The following EFCAB13 variants were observed in gnomAD, a reference collection of about 807,000 sequenced individuals.
The protein encoded by EFCAB13 is EF-hand calcium-binding domain-containing protein 13.
Under a neutral mutation model 110.2 loss-of-function variants are expected in EFCAB13, and 91 were observed. The observed-to-expected ratio is 0.83, with a 90% CI of 0.70 to 0.98. The LOEUF is 0.98. Among genes scored for constraint, EFCAB13 ranks in the 50% least tolerant of loss-of-function variants. The probability of loss-of-function intolerance (pLI) is 0.00; values close to 1 mark genes in which losing one functional copy is unlikely to be tolerated. For missense variants in EFCAB13, 968 were observed against 1,119.4 expected (o/e 0.86, Z 1.93); for synonymous variants, 323 against 369.9 (o/e 0.87, Z 1.45).
At chr17:47,372,031 C>A (rs955115208) in intron 11 of EFCAB13, among the ~76,000 whole-genome samples, 2 of 152,204 alleles carry the variant, frequency 1.3e-5, no homozygotes, top group African/African-American at 4.8e-5. Context: ...AATTGATTCA[C>A]AGTTCCACAT....
chr17:47,388,034 A>T (rs2065686074), intron 14 of EFCAB13, among the ~76,000 whole-genome samples: 1 of 152,120 alleles, frequency 6.6e-6, no homozygotes, highest in African/African-American at 2.4e-5. Flanking sequence ...GTGCCTTCCT[A>T]CAGTGTGGTA....
At position 47,429,925 on chromosome 17, in the gene EFCAB13, A is replaced by G. The variant is rs753958505; in HGVS notation, c.2602A>G (p.Ile868Val). Residue 868 changes from isoleucine (I) to valine (V), a missense_variant, in exon 24 of 25, where the codon ATA becomes GTA. By Grantham distance (29) the Ile-to-Val change is conservative. Coordinates refer to ENST00000331493, the MANE Select transcript of EFCAB13 (RefSeq NM_152347.5). ...MDKDLHTANAILTVMLRHVPE... is the reference protein window; with the variant it reads ...MDKDLHTANAVLTVMLRHVPE... ...CAAGGACCTTCATACAGCTAATGCT[A>G]TACTTACTGTAATGTTAAGACATGT... 2.5e-6 allele frequency: 4 copies of G among 1,610,692 alleles called. No homozygotes were observed. Among genetic ancestry groups the G allele is most frequent in the Non-Finnish European group, 2.5e-6 (3 of 1,177,880 alleles).
rs2065406801 is a variant in EFCAB13, at chr17:47,344,937, T to C, written c.435-79T>C. 5 of 1,040,074 alleles carry C rather than the reference T, an allele frequency of 4.8e-6. No homozygotes were observed. The Admixed American group carries it at 5.8e-5, about 12-fold the overall frequency. 64.4% of individuals were successfully genotyped at this position (1,040,074 alleles called of 1,614,324 possible). A position where few individuals can be genotyped will look rare whatever the true frequency, so the allele number is the denominator to read the frequency against. ...AAAGGTTCTTATGAATCTCAGACTA[T>C]TGGTAAGTTTGCTAATATTTTAAAA... On this transcript the variant is annotated intron_variant, in intron 7 of 24. Transcript: ENST00000331493.
At chr17:47,349,101 G>GGA (rs1442837660) in intron 9 of EFCAB13, among the ~76,000 whole-genome samples, 1 of 152,158 alleles carries the variant, frequency 6.6e-6, no homozygotes, top group African/African-American at 2.4e-5. Context: ...CTGAAGAAGT[G>GGA]GAGACAGACA....
chr17:47,340,899 A>G (rs1284878687), intron 5 of EFCAB13, among the ~76,000 whole-genome samples: 1 of 150,158 alleles, frequency 6.7e-6, no homozygotes, highest in African/African-American at 2.5e-5. Flanking sequence ...TACAGGCATG[A>G]GCTACCATAC....
At chr17:47,424,210 C>T (rs1456401805) in intron 23 of EFCAB13, among the ~76,000 whole-genome samples, 5 of 152,316 alleles carry the variant, frequency 3.3e-5, no homozygotes, top group Admixed American at 3.3e-4. Context: ...GGCAGCCAGG[C>T]TGTGCAGGGG....
chr17:47,361,985 T>A (rs2065516246), intron 10 of EFCAB13, among the ~76,000 whole-genome samples: 1 of 152,194 alleles, frequency 6.6e-6, no homozygotes, highest in African/African-American at 2.4e-5. Context: ...TAGCAGGTGT[T>A]TTGTATTACA....
At position 47,429,932 on chromosome 17, in the gene EFCAB13, C is replaced by G; in HGVS notation, c.2609C>G (p.Thr870Ser). The change falls in exon 24 of 25, where the codon ACT (threonine) becomes AGT (serine). Residue 870 changes from threonine to serine, a missense_variant. Transcript: ENST00000331493. ...KDLHTANAIL[T>S]VMLRHVPEHE... Reference sequence around the variant, plus strand: ...CTTCATACAGCTAATGCTATACTTACTGTAATGTTAAGACATGTACCTGAA... The same window carrying G: ...CTTCATACAGCTAATGCTATACTTAGTGTAATGTTAAGACATGTACCTGAA... The G allele has an allele frequency of 6.2e-7, 1 of 1,608,722 alleles. No homozygotes were observed. Among genetic ancestry groups the G allele is most frequent in the South Asian group, 1.1e-5 (1 of 90,318 alleles).
chr17:47,372,043 G>A (rs1039009205), intron 11 of EFCAB13, among the ~76,000 whole-genome samples: 2 of 152,090 alleles, frequency 1.3e-5, no homozygotes, highest in Non-Finnish European at 2.9e-5. Flanking sequence ...GTTCCACATG[G>A]CACTTTATGT....
chr17:47,392,332 CA>C (rs745627781), intron 15 of EFCAB13, among the ~76,000 whole-genome samples: 1 of 152,004 alleles, frequency 6.6e-6, no homozygotes, highest in Non-Finnish European at 1.5e-5. Flanking sequence ...CTTATTTATT[CA>C]AAGCAATTCT....
chr17:47,370,455 T>C lies in EFCAB13; in HGVS notation c.824T>C (p.Ile275Thr). Residue 275 changes from isoleucine to threonine, a missense_variant, in exon 11 of 25, where the codon ATT becomes ACT. By Grantham distance (89) the Ile-to-Thr change is moderately conservative. Coordinates refer to ENST00000331493, the MANE Select transcript of EFCAB13 (RefSeq NM_152347.5). Reference protein sequence around the residue: ...TYIDSNHMVDIGDIIFTLNEL... With the variant: ...TYIDSNHMVDTGDIIFTLNEL... Reference sequence around the variant, plus strand: ...ATTACAGGTAACCACATGGTGGATATTGGGGATATTATATTTACTTTGAAT... The same window carrying C: ...ATTACAGGTAACCACATGGTGGATACTGGGGATATTATATTTACTTTGAAT... 2 of 1,602,268 alleles carry C rather than the reference T, an allele frequency of 1.2e-6. No individual in the cohort carries two copies. The highest frequency in any genetic ancestry group is 1.7e-6 in the Non-Finnish European group (2 of 1,169,624).
intron 23 of EFCAB13, among the ~76,000 whole-genome samples, chr17:47,425,390 C>A (rs1460681525): frequency 6.6e-6 from 1 of 152,132 alleles, no homozygotes; most frequent in Non-Finnish European, 1.5e-5. Flanking sequence ...AGTCTAATTC[C>A]TCTCACTCTG....
intron 14 of EFCAB13, among the ~76,000 whole-genome samples, chr17:47,390,917 TATCTATCTATCTGTC>T (rs1166690129): frequency 7.7e-6 from 1 of 130,372 alleles, no homozygotes; most frequent in African/African-American, 2.7e-5. Context: ...TCTGTCTGTC[TATCTATCTATCTGTC>T]TATCTATCTA....
chr17:47,370,341 T>C (rs968062695), intron 10 of EFCAB13, 96 bp from the exon 11 acceptor site: 2 of 852,544 alleles, frequency 2.3e-6, no homozygotes, highest in African/African-American at 1.7e-5. Flanking sequence ...TTGTTCCTAC[T>C]TGCCACACAT....
intron 14 of EFCAB13, among the ~76,000 whole-genome samples, chr17:47,388,994 A>G (rs1217393404): frequency 6.6e-6 from 1 of 152,064 alleles, no homozygotes; most frequent in African/African-American, 2.4e-5. Flanking sequence ...TTCCTTAATG[A>G]GTAATGATGT....
intron 5 of EFCAB13, among the ~76,000 whole-genome samples, chr17:47,341,218 T>C (rs1785401376): frequency 6.6e-6 from 1 of 152,154 alleles, no homozygotes; most frequent in African/African-American, 2.4e-5. Context: ...AAAAGACATT[T>C]CAGTCAATTA....
intron 21 of EFCAB13, among the ~76,000 whole-genome samples, chr17:47,411,097 A>G (rs1267274258): frequency 2.6e-5 from 4 of 152,190 alleles, no homozygotes; most frequent in African/African-American, 9.7e-5. Flanking sequence ...AGGTTAACTA[A>G]TATTAACATC....
intron 13 of EFCAB13, among the ~76,000 whole-genome samples, chr17:47,378,133 T>G (rs1340365917): frequency 6.6e-6 from 1 of 152,186 alleles, no homozygotes; most frequent in Non-Finnish European, 1.5e-5. Context: ...TCAGTAAAGC[T>G]CTTCATCACT....
At chr17:47,430,761 GCTT>G (rs942906497) in intron 24 of EFCAB13, 11 of 151,868 alleles carry the variant, frequency 7.2e-5, no homozygotes, top group Non-Finnish European at 8.8e-5. Context: ...GTGGATTGTA[GCTT>G]CTTTTTTTTA....
Sources: allele counts gnomAD v4.1 joint callset (sites outside exome capture counted in the v4.1 genomes callset), GRCh38; gene constraint gnomAD v4.1.1; transcripts MANE v1.5; gene names NCBI Gene and HGNC (gene_info 2026-07-23, HGNC 2026-07-21).